RNF144B: variants seen among roughly 807,000 people sequenced by gnomAD.
RNF144B encodes E3 ubiquitin-protein ligase RNF144B.
Under a neutral mutation model 40.2 loss-of-function variants are expected in RNF144B, and 25 were observed. The observed-to-expected ratio is 0.62, with a 90% CI of 0.45 to 0.87. The LOEUF is 0.87. Among genes scored for constraint, RNF144B ranks in the 40% least tolerant of loss-of-function variants. The pLI, the probability that RNF144B is intolerant of heterozygous loss-of-function variation, is 0.00. For missense variants in RNF144B, 365 were observed against 373.7 expected (o/e 0.98, Z 0.19); for synonymous variants, 145 against 136.3 (o/e 1.06, Z -0.44).
At position 18,410,534 on chromosome 6, in the gene RNF144B, G is replaced by C. The variant is rs928272105; in HGVS notation, c.165+10835G>C. 6.6e-6 allele frequency among the ~76,000 whole-genome samples: 1 copy of C among 151,860 alleles called. No individual in the cohort carries two copies. Among genetic ancestry groups the C allele is most frequent in the Non-Finnish European group, 1.5e-5 (1 of 67,962 alleles). On this transcript the variant is annotated intron_variant, in intron 2 of 7. Coordinates refer to ENST00000259939, the MANE Select transcript of RNF144B (RefSeq NM_182757.4). This position sits in a 1 kb window ranked among gnomAD's most constrained non-coding sequence, Gnocchi z 4.6. ...TGAGAACAGTGCTCCAGGGAAAAGA[G>C]GCCAGCCACATGTGAGAACACAGAA...
At chr6:18,388,203 C>T (rs1422419331) in intron 1 of RNF144B, among the ~76,000 whole-genome samples, 2 of 152,138 alleles carry the variant, frequency 1.3e-5, no homozygotes, top group East Asian at 1.9e-4. Context: ...AATTAATTCC[C>T]TTCTCTGGGA....
At chr6:18,420,822 T>G (rs1409815640) in intron 2 of RNF144B, among the ~76,000 whole-genome samples, 1 of 152,176 alleles carries the variant, frequency 6.6e-6, no homozygotes, top group Non-Finnish European at 1.5e-5. Flanking sequence ...ATCAAACTAT[T>G]TTAAAATTTC....
chr6:18,393,732 C>T (rs896690465), intron 1 of RNF144B, among the ~76,000 whole-genome samples: 6 of 152,120 alleles, frequency 3.9e-5, no homozygotes, highest in Non-Finnish European at 5.9e-5. Flanking sequence ...AGAATATTAG[C>T]TTCCCGAGAA....
chr6:18,429,177 A>G (rs986823920), intron 3 of RNF144B, among the ~76,000 whole-genome samples: 4 of 152,084 alleles, frequency 2.6e-5, no homozygotes, highest in African/African-American at 4.8e-5. Flanking sequence ...CAGCCTGGGC[A>G]ATAGAGTGAG....
chr6:18,393,722 A>G (rs1294564416), intron 1 of RNF144B, among the ~76,000 whole-genome samples: 1 of 152,188 alleles, frequency 6.6e-6, no homozygotes, highest in Non-Finnish European at 1.5e-5. Flanking sequence ...CTGCTTTATT[A>G]GAATATTAGC....
Position 18,414,183 on chromosome 6 carries a change from A to C in RNF144B, c.166-13398A>C, listed in dbSNP as rs1375112545. ...TCATTATTTCAAAATAATTTTGAAT[A>C]AAATGAGATTTCTAATAACCAACCT... On this transcript the variant is annotated intron_variant, in intron 2 of 7. Coordinates refer to ENST00000259939, the MANE Select transcript of RNF144B (RefSeq NM_182757.4). This position sits in a 1 kb window ranked among gnomAD's most constrained non-coding sequence, Gnocchi z 4.9. Among the ~76,000 whole-genome samples the C allele has an allele frequency of 2.0e-5, 3 of 152,208 alleles. No individual in the cohort carries two copies. The highest frequency in any genetic ancestry group is 4.4e-5 in the Non-Finnish European group (3 of 68,032).
At position 18,414,594 on chromosome 6, in the gene RNF144B, A is replaced by C. The variant is rs1256105646; in HGVS notation, c.166-12987A>C. On this transcript the variant is annotated intron_variant, in intron 2 of 7. Coordinates refer to ENST00000259939, the MANE Select transcript of RNF144B (RefSeq NM_182757.4). This position sits in a 1 kb window ranked among gnomAD's most constrained non-coding sequence, Gnocchi z 4.9. ...TTTAAAAATGTTTTAATTTGTATAG[A>C]TACGTAGTAGGTATATATATGATTA... 6.6e-6 allele frequency among the ~76,000 whole-genome samples: 1 copy of C among 152,184 alleles called. No individual in the cohort carries two copies. The highest frequency in any genetic ancestry group is 2.4e-5 in the African/African-American group (1 of 41,460).
rs1795063515 is a variant in RNF144B at position 18,412,292 on chromosome 6, A to G, written c.165+12593A>G. Among the ~76,000 whole-genome samples the G allele has an allele frequency of 6.6e-6, 1 of 152,212 alleles. No homozygotes were observed. Among genetic ancestry groups the G allele is most frequent in the Non-Finnish European group, 1.5e-5 (1 of 68,042 alleles). On this transcript the variant is annotated intron_variant, in intron 2 of 7. Transcript: ENST00000259939. The surrounding 1 kb of genome is among the most constrained non-coding windows in gnomAD (Gnocchi z 4.2). ...TTCACCTTCTGTAATCTGGTATGTGAAAAGAACATATCTCATGGTTTAATC... is the reference window on the plus strand; with the variant it reads ...TTCACCTTCTGTAATCTGGTATGTGGAAAGAACATATCTCATGGTTTAATC...
Position 18,465,064 on chromosome 6 carries a change from C to G in RNF144B, c.909C>G (p.Thr303=), listed in dbSNP as rs1219953766. ...GKKKKHDPST[T] Reference sequence around the variant, plus strand: ...AGAAAAAGCACGACCCATCCACAACCTAAAGATCTCTGTGTTCATACGCCC... The same window carrying G: ...AGAAAAAGCACGACCCATCCACAACGTAAAGATCTCTGTGTTCATACGCCC... Residue 303 remains threonine, a synonymous_variant, in exon 8 of 8, where the codon ACC becomes ACG. Coordinates refer to ENST00000259939, the MANE Select transcript of RNF144B (RefSeq NM_182757.4). 1 of 1,613,520 alleles carries G rather than the reference C, an allele frequency of 6.2e-7. No homozygotes were observed. The highest frequency in any genetic ancestry group is 1.1e-5 in the South Asian group (1 of 90,984).
At chr6:18,417,549 A>G (rs568511104) in intron 2 of RNF144B, among the ~76,000 whole-genome samples, 14 of 152,296 alleles carry the variant, frequency 9.2e-5, no homozygotes, top group Admixed American at 6.5e-4. Context: ...GATGTCTGTG[A>G]TCTTCCTCAT....
Position 18,400,794 on chromosome 6 carries a change from A to G in RNF144B, c.165+1095A>G, listed in dbSNP as rs916306184. 1.3e-5 allele frequency among the ~76,000 whole-genome samples: 2 copies of G among 152,180 alleles called. No individual in the cohort carries two copies. Among genetic ancestry groups the G allele is most frequent in the African/African-American group, 4.8e-5 (2 of 41,446 alleles). On this transcript the variant is annotated intron_variant, in intron 2 of 7. Coordinates refer to ENST00000259939, the MANE Select transcript of RNF144B (RefSeq NM_182757.4). This position sits in a 1 kb window ranked among gnomAD's most constrained non-coding sequence, Gnocchi z 5.6. ...TCTTGCTTTTAGGAGCTTATATTCT[A>G]TATAAGAACGTTGTGTAGGAGTTCA...
chr6:18,408,938 G>GTTT (rs3078245), intron 2 of RNF144B, among the ~76,000 whole-genome samples: 4 of 144,020 alleles, frequency 2.8e-5, no homozygotes, highest in East Asian at 4.1e-4. Flanking sequence ...CCAGAAAAGT[G>GTTT]TTTTTTTTTT....
intron 2 of RNF144B, among the ~76,000 whole-genome samples, chr6:18,404,172 A>C (rs1266282175): frequency 6.6e-6 from 1 of 152,208 alleles, no homozygotes; most frequent in Non-Finnish European, 1.5e-5. Flanking sequence ...GTAACTTTCA[A>C]ATGAAGCATG....
intron 2 of RNF144B, among the ~76,000 whole-genome samples, chr6:18,426,428 C>T (rs1416732731): frequency 1.3e-5 from 2 of 152,204 alleles, no homozygotes; most frequent in Non-Finnish European, 2.9e-5. Context: ...CCTGGAACTA[C>T]TGCCTTCAAT....
At chr6:18,417,109 C>T (rs945943355) in intron 2 of RNF144B, among the ~76,000 whole-genome samples, 11 of 152,034 alleles carry the variant, frequency 7.2e-5, no homozygotes, top group Non-Finnish European at 1.3e-4. Flanking sequence ...TTTTAAAAGA[C>T]TAAATAAAAG....
chr6:18,417,433 T>C (rs531745105), intron 2 of RNF144B, among the ~76,000 whole-genome samples: 1 of 152,302 alleles, frequency 6.6e-6, no homozygotes, highest in Non-Finnish European at 1.5e-5. Flanking sequence ...ATCTTATTTT[T>C]TGTCATTTGA....
chr6:18,440,797 T>G (rs1324024834), intron 4 of RNF144B, among the ~76,000 whole-genome samples: 3 of 147,354 alleles, frequency 2.0e-5, no homozygotes, highest in Admixed American at 6.7e-5. Context: ...TTTGTGGTGT[T>G]TTTTTTTTTT....
intron 3 of RNF144B, among the ~76,000 whole-genome samples, chr6:18,432,999 G>A (rs1758726325): frequency 6.6e-6 from 1 of 152,132 alleles, no homozygotes; most frequent in Non-Finnish European, 1.5e-5. Flanking sequence ...CGAGTACTGG[G>A]GAATTTGAAG....
intron 3 of RNF144B, among the ~76,000 whole-genome samples, chr6:18,430,431 C>T (rs1025864480): frequency 1.3e-5 from 2 of 152,160 alleles, no homozygotes; most frequent in Non-Finnish European, 2.9e-5. Context: ...TCTTGCAGTT[C>T]TCTAGAGCAG....
Sources: allele counts gnomAD v4.1 joint callset (sites outside exome capture counted in the v4.1 genomes callset), GRCh38; gene constraint gnomAD v4.1.1; non-coding constraint Gnocchi (gnomAD v3.1); transcripts MANE v1.5; gene names NCBI Gene and HGNC (gene_info 2026-07-23, HGNC 2026-07-21).